The following RAB30 variants were observed in gnomAD, a reference collection of about 807,000 sequenced individuals.
RAB30 encodes the protein RAB30, member RAS oncogene family, also known as ras-related protein Rab-30.
Under a neutral mutation model 25.1 loss-of-function variants are expected in RAB30, and 9 were observed. The observed-to-expected ratio is 0.36, with a 90% CI of 0.22 to 0.63. The LOEUF (loss-of-function observed/expected upper bound fraction) is 0.63, where lower values mean the gene tolerates loss of function less well. Among genes scored for constraint, RAB30 ranks in the 20% least tolerant of loss-of-function variants. The pLI, the probability that RAB30 is intolerant of heterozygous loss-of-function variation, is 0.69. For synonymous variants in RAB30, 77 were observed against 86.4 expected, an observed-to-expected ratio of 0.89 and a Z score of 0.60; for missense variants, 140 against 243.5, an observed-to-expected ratio of 0.58 and a Z score of 2.83.
At chr11:83,022,304 C>T (rs1185989420) in intron 1 of RAB30, among the ~76,000 whole-genome samples, 2 of 152,126 alleles carry the variant, frequency 1.3e-5, no homozygotes, top group Non-Finnish European at 2.9e-5. Flanking sequence ...GGACTACAAG[C>T]ACATGCCACC....
At chr11:83,002,520 G>A (rs1030610646) in intron 1 of RAB30, among the ~76,000 whole-genome samples, 1 of 150,942 alleles carries the variant, frequency 6.6e-6, no homozygotes, top group Non-Finnish European at 1.5e-5. Flanking sequence ...AAATAGATAA[G>A]CAAGATGAAA....
chr11:83,025,165 A>AT (rs1217355157), intron 1 of RAB30, among the ~76,000 whole-genome samples: 1 of 152,176 alleles, frequency 6.6e-6, no homozygotes, highest in Non-Finnish European at 1.5e-5. Context: ...TTCATATCTG[A>AT]TTTTTTAACA....
At chr11:83,049,531 G>T (rs1463012324) in intron 1 of RAB30, among the ~76,000 whole-genome samples, 1 of 151,448 alleles carries the variant, frequency 6.6e-6, no homozygotes, top group Admixed American at 6.6e-5. Context: ...CCCAGGCTGG[G>T]GTTCAGTGGC....
intron 1 of RAB30, among the ~76,000 whole-genome samples, chr11:83,003,444 C>T (rs915026714): frequency 4.0e-5 from 6 of 151,764 alleles, no homozygotes; most frequent in African/African-American, 9.7e-5. Flanking sequence ...TTTTTTTAGA[C>T]GGAATTTTGC....
chr11:83,037,229 C>T (rs1367117809), intron 1 of RAB30, among the ~76,000 whole-genome samples: 1 of 151,748 alleles, frequency 6.6e-6, no homozygotes, highest in Admixed American at 6.6e-5. Flanking sequence ...AATTTAATTA[C>T]AATTTTAAAA....
Position 82,973,477 on chromosome 11 carries a change from G to C in RAB30, c.*8688C>G, listed in dbSNP as rs1171613018. On this transcript the variant is annotated 3_prime_UTR_variant, in exon 5 of 5. Coordinates refer to ENST00000527633, the MANE Select transcript of RAB30 (RefSeq NM_001286060.2). ...TGAGTACTCTTATCCAGCATGATTT[G>C]TAGTTGTCCTTTAAACAATGCAGAG... 6.6e-6 allele frequency: 1 copy of C among 152,182 alleles called. No individual in the cohort carries two copies. Among genetic ancestry groups the C allele is most frequent in the African/African-American group, 2.4e-5 (1 of 41,438 alleles). The allele number at this position is 152,182 out of a possible 1,614,324, so 9.4% of individuals were successfully genotyped here.
intron 1 of RAB30, among the ~76,000 whole-genome samples, chr11:83,049,916 GAAT>G (rs1264515586): frequency 6.6e-6 from 1 of 152,204 alleles, no homozygotes; most frequent in African/African-American, 2.4e-5. Context: ...CCTCAAAGTA[GAAT>G]TGGCCATTCC....
At chr11:83,025,887 TGATATA>T (rs1267568414) in intron 1 of RAB30, among the ~76,000 whole-genome samples, 2 of 91,276 alleles carry the variant, frequency 2.2e-5, no homozygotes, top group Non-Finnish European at 5.6e-5. Flanking sequence ...TATAGATAGA[TGATATA>T]GATATAGATA....
At chr11:82,998,119 T>C (rs1484033386) in intron 1 of RAB30, among the ~76,000 whole-genome samples, 1 of 152,216 alleles carries the variant, frequency 6.6e-6, no homozygotes, top group Non-Finnish European at 1.5e-5. Flanking sequence ...TCACTTGCTG[T>C]ATACAATTGT....
rs184044293 is a variant in RAB30 at position 83,034,507 on chromosome 11, C to T, written c.-8-37183G>A. On this transcript the variant is annotated intron_variant, in intron 1 of 4. Transcript: ENST00000527633. ...GAGGCATATGATAACTGCAACAGGA[C>T]CCAGGGACCCTGAGAGGCACAGGGT... 259 of 152,190 alleles carry T rather than the reference C, an allele frequency of 1.7e-3. 1 individual carries two copies. Among genetic ancestry groups the T allele is most frequent in the Middle Eastern group, 3.4e-3 (1 of 294 alleles). 9.4% of individuals were successfully genotyped at this position (152,190 alleles called of 1,614,324 possible).
intron 1 of RAB30, among the ~76,000 whole-genome samples, chr11:82,998,026 C>G (rs1345304004): frequency 6.6e-6 from 1 of 152,094 alleles, no homozygotes; most frequent in Non-Finnish European, 1.5e-5. Flanking sequence ...AGGTCCAATG[C>G]CAGCAATTCT....
chr11:82,994,597 G>A (rs547206120), intron 2 of RAB30, among the ~76,000 whole-genome samples: 5 of 152,282 alleles, frequency 3.3e-5, no homozygotes, highest in East Asian at 3.9e-4. Context: ...GGACAGCCAC[G>A]GGAATGGGCA....
Position 82,979,088 on chromosome 11 carries a change from A to G in RAB30, c.*3077T>C, listed in dbSNP as rs1277025119. 6.6e-6 allele frequency: 1 copy of G among 152,220 alleles called. No individual in the cohort carries two copies. Among genetic ancestry groups the G allele is most frequent in the Non-Finnish European group, 1.5e-5 (1 of 68,042 alleles). The allele number at this position is 152,220 out of a possible 1,614,324, so 9.4% of individuals were successfully genotyped here. On this transcript the variant is annotated 3_prime_UTR_variant, in exon 5 of 5. Transcript: ENST00000527633. ...ATTAATATAATTCAACAGATTTAAT[A>G]AAAGCACACAAAGGGAGAAAAAGCC...
intron 1 of RAB30, among the ~76,000 whole-genome samples, chr11:82,999,867 C>T (rs760353384): frequency 6.6e-6 from 1 of 152,068 alleles, no homozygotes; most frequent in Non-Finnish European, 1.5e-5. Flanking sequence ...CTGCTATAAA[C>T]TCACCATGCT....
At chr11:82,992,341 C>A (rs1043706807) in intron 3 of RAB30, 2 of 456,126 alleles carry the variant, frequency 4.4e-6, no homozygotes, top group African/African-American at 4.0e-5. Flanking sequence ...AGTGCTCCAG[C>A]TCCCCATTCA....
At position 83,064,243 on chromosome 11, in the gene RAB30, G is replaced by A. The variant is rs184248905; in HGVS notation, c.-9+7448C>T. On this transcript the variant is annotated intron_variant, in intron 1 of 4. Transcript: ENST00000527633. ...CCCCATAGCTGGGACACAGGTGTGC[G>A]CCACCACACCCAGCTAAAAAATACA... 3.8e-3 allele frequency among the ~76,000 whole-genome samples: 582 copies of A among 152,142 alleles called. 12 individuals are homozygous for A. The South Asian group carries it at 0.038, about 10-fold the overall frequency.
At chr11:83,024,748 G>C (rs896531353) in intron 1 of RAB30, among the ~76,000 whole-genome samples, 2 of 152,198 alleles carry the variant, frequency 1.3e-5, no homozygotes, top group African/African-American at 2.4e-5. Context: ...AAATGCTACT[G>C]TTACTCAGAT....
intron 1 of RAB30, among the ~76,000 whole-genome samples, chr11:83,059,737 C>T (rs1858528447): frequency 1.3e-5 from 2 of 152,158 alleles, no homozygotes; most frequent in African/African-American, 4.8e-5. Flanking sequence ...CCTACTTTAT[C>T]AGATTGCTTT....
intron 1 of RAB30, among the ~76,000 whole-genome samples, chr11:83,047,784 G>GAT (rs1473923525): frequency 6.6e-6 from 1 of 151,068 alleles, no homozygotes; most frequent in Non-Finnish European, 1.5e-5. Flanking sequence ...TCCTCTTTTT[G>GAT]ATTGCTAACA....
Sources: gnomAD v4.1 joint callset for allele counts (sites outside exome capture counted in the v4.1 genomes callset) on GRCh38, gnomAD v4.1.1 for gene constraint, MANE v1.5 for transcripts, NCBI Gene and HGNC (gene_info 2026-07-23, HGNC 2026-07-21) for gene names.